Variants in MYO3A observed in about 807,000 individuals in gnomAD.
MYO3A encodes myosin-IIIa.
Under a neutral mutation model 192.7 loss-of-function variants are expected in MYO3A, and 180 were observed. The observed-to-expected ratio is 0.93, with a 90% confidence interval of 0.83 to 1.06. The LOEUF is 1.06. Ranked by LOEUF, MYO3A falls within the 50% of genes least tolerant of loss-of-function variation. The pLI is 0.00. For missense variants in MYO3A, 1,896 were observed against 1,905.0 expected (o/e 1.00, Z 0.09); for synonymous variants, 628 against 645.3 (o/e 0.97, Z 0.41).
chr10:26,085,291 T>G (rs1836237665), intron 14 of MYO3A, among the ~76,000 whole-genome samples: 1 of 152,140 alleles, frequency 6.6e-6, no homozygotes, highest in Non-Finnish European at 1.5e-5. Context: ...TTTCTTCTGC[T>G]AATTTTGGCT....
intron 10 of MYO3A, among the ~76,000 whole-genome samples, chr10:26,030,571 T>C (rs999557432): frequency 6.6e-6 from 1 of 152,212 alleles, no homozygotes; most frequent in Non-Finnish European, 1.5e-5. Context: ...AGCTGTCTTC[T>C]TGAAGATCAC....
At chr10:26,201,643 G>A (rs142579863) in intron 33 of MYO3A, among the ~76,000 whole-genome samples, 2,702 of 148,614 alleles carry the variant, frequency 0.018, 91 homozygotes, top group African/African-American at 0.064. Flanking sequence ...CCGAGATTGC[G>A]CCACTGCACT....
At position 26,157,514 on chromosome 10, in the gene MYO3A, C is replaced by T. The variant is rs1360882511; in HGVS notation, c.2998C>T (p.Arg1000Trp). ...HRILFANFIKRYYLLCYKSSE... is the reference protein window; with the variant it reads ...HRILFANFIKWYYLLCYKSSE... ...GATACTTTTTGCTAACTTTATAAAG[C>T]GGTATGTGGATTTCTTTTTCAGTTT... The change falls in exon 26 of 35, where the codon CGG (arginine) becomes TGG (tryptophan). Residue 1000 changes from arginine (R) to tryptophan (W), a missense_variant and splice_region_variant. Physicochemically the swap from Arg to Trp is moderately radical, Grantham distance 101 (BLOSUM62 -3). Coordinates refer to ENST00000642920, the MANE Select transcript of MYO3A (RefSeq NM_017433.5). The T allele has an allele frequency of 7.4e-6, 12 of 1,612,294 alleles. No individual in the cohort carries two copies. Among genetic ancestry groups the T allele is most frequent in the East Asian group, 4.5e-5 (2 of 44,868 alleles).
intron 7 of MYO3A, among the ~76,000 whole-genome samples, chr10:26,019,201 G>T (rs1842144048): frequency 6.6e-6 from 1 of 150,618 alleles, no homozygotes; most frequent in African/African-American, 2.4e-5. Flanking sequence ...CTGTGGACTG[G>T]CCTTTTCTGG....
At chr10:26,035,838 C>G (rs1843003127) in intron 10 of MYO3A, among the ~76,000 whole-genome samples, 1 of 152,104 alleles carries the variant, frequency 6.6e-6, no homozygotes, top group Admixed American at 6.5e-5. Flanking sequence ...GGCATTTACA[C>G]TTAAATTTTA....
intron 6 of MYO3A, among the ~76,000 whole-genome samples, chr10:26,011,210 C>T (rs144120691): frequency 0.011 from 1,701 of 152,234 alleles, 37 homozygotes; most frequent in African/African-American, 0.036. Context: ...GTGTGAATCG[C>T]TTGAGCCAAC....
intron 27 of MYO3A, among the ~76,000 whole-genome samples, chr10:26,166,670 T>G (rs1841770338): frequency 6.6e-6 from 1 of 152,254 alleles, no homozygotes; most frequent in Non-Finnish European, 1.5e-5. Flanking sequence ...ATATATTCTC[T>G]AGTTTATCAC....
chr10:26,189,771 A>T (rs1328866194), intron 31 of MYO3A, among the ~76,000 whole-genome samples: 1 of 152,240 alleles, frequency 6.6e-6, no homozygotes, highest in Non-Finnish European at 1.5e-5. Flanking sequence ...GGTATTTAAG[A>T]AAGGAAAATC....
chr10:26,210,490 C>T (rs1296185549), intron 34 of MYO3A, among the ~76,000 whole-genome samples: 1 of 152,176 alleles, frequency 6.6e-6, no homozygotes, highest in Non-Finnish European at 1.5e-5. Flanking sequence ...ATAATCTGGC[C>T]AGTTCTCACC....
intron 10 of MYO3A, among the ~76,000 whole-genome samples, chr10:26,032,681 T>G (rs140181277): frequency 2.6e-5 from 4 of 152,086 alleles, no homozygotes; most frequent in African/African-American, 9.6e-5. Context: ...CAATTCCTTA[T>G]TAGGCGTGGG....
intron 6 of MYO3A, among the ~76,000 whole-genome samples, chr10:26,004,737 T>C (rs114975484): frequency 0.011 from 1,636 of 152,190 alleles, 25 homozygotes; most frequent in African/African-American, 0.036. Context: ...ATTCTTACTC[T>C]CTAGATCTGG....
chr10:26,178,573 G>GAAGAAA (rs1284967249), intron 31 of MYO3A, among the ~76,000 whole-genome samples: 52 of 149,808 alleles, frequency 3.5e-4, no homozygotes, highest in African/African-American at 1.2e-3. Flanking sequence ...AAAGCAAAAA[G>GAAGAAA]AAGAAAAAGA....
rs186489459 is a variant in MYO3A at position 26,119,936 on chromosome 10, G to A, written c.1777-740G>A. ...TTTCAGAGGCCAAGGTGGGCAGATC[G>A]CTTGAGCCCAGGAGTTCGAGACCAG... On this transcript the variant is annotated intron_variant, in intron 17 of 34. Transcript: ENST00000642920. Among the ~76,000 whole-genome samples the A allele has an allele frequency of 5.3e-5, 8 of 151,226 alleles. No individual in the cohort carries two copies. The East Asian group carries it at 1.2e-3, about 22-fold the overall frequency.
chr10:25,956,118 T>C (rs555822799), intron 4 of MYO3A, among the ~76,000 whole-genome samples: 1 of 152,200 alleles, frequency 6.6e-6, no homozygotes, highest in African/African-American at 2.4e-5. Flanking sequence ...CCCAACACTG[T>C]GTGGAGCGTC....
At chr10:26,122,172 G>A (rs1015487909) in intron 18 of MYO3A, among the ~76,000 whole-genome samples, 15 of 152,132 alleles carry the variant, frequency 9.9e-5, no homozygotes, top group Non-Finnish European at 1.5e-5. Context: ...AGTTGCAATA[G>A]AGATAGGTTG....
At chr10:25,997,104 A>G in intron 5 of MYO3A, 55 bp from the exon 6 acceptor site, 2 of 1,424,446 alleles carry the variant, frequency 1.4e-6, no homozygotes, top group Middle Eastern at 1.9e-4. Flanking sequence ...TCATCTGAAA[A>G]TTTTTATTGT....
intron 4 of MYO3A, among the ~76,000 whole-genome samples, chr10:25,981,047 A>G (rs1265094245): frequency 1.3e-5 from 2 of 152,094 alleles, no homozygotes; most frequent in African/African-American, 2.4e-5. Context: ...TCTTTTCATT[A>G]TCTCCACTTT....
intron 7 of MYO3A, among the ~76,000 whole-genome samples, chr10:26,018,968 T>A (rs531730346): frequency 3.9e-5 from 6 of 152,208 alleles, no homozygotes; most frequent in Admixed American, 6.5e-5. Context: ...AATGCATTTT[T>A]GAATTTTTAA....
intron 6 of MYO3A, among the ~76,000 whole-genome samples, chr10:26,012,879 A>G (rs1841757580): frequency 6.6e-6 from 1 of 152,210 alleles, no homozygotes. Context: ...AAATTATACT[A>G]CAAGGCTGTA....
Sources: allele counts gnomAD v4.1 joint callset (sites outside exome capture counted in the v4.1 genomes callset), GRCh38; gene constraint gnomAD v4.1.1; transcripts MANE v1.5; gene names NCBI Gene and HGNC (gene_info 2026-07-23, HGNC 2026-07-21).